Variants in IMMP2L observed in about 807,000 individuals in gnomAD.
IMMP2L encodes the protein inner mitochondrial membrane peptidase subunit 2.
In IMMP2L, 18 loss-of-function variants were observed where a neutral mutation model predicts 19.3. The ratio of observed to expected loss-of-function variants is 0.93; its 90% confidence interval spans 0.64 to 1.38. The LOEUF (loss-of-function observed/expected upper bound fraction) is 1.38. IMMP2L is among the 40% of genes most tolerant of loss of function. The pLI is 0.00. For missense variants in IMMP2L, 233 were observed against 218.2 expected, an observed-to-expected ratio of 1.07 and a Z score of -0.43; for synonymous variants, 76 against 73.0, an observed-to-expected ratio of 1.04 and a Z score of -0.21.
intron 3 of IMMP2L, among the ~76,000 whole-genome samples, chr7:111,179,195 T>C (rs1436629096): frequency 6.6e-6 from 1 of 151,856 alleles, no homozygotes; most frequent in East Asian, 1.9e-4. Context: ...AGCAGTAATA[T>C]TTTGAAAAAA....
At chr7:110,932,310 G>C (rs1815581905) in intron 4 of IMMP2L, among the ~76,000 whole-genome samples, 1 of 152,120 alleles carries the variant, frequency 6.6e-6, no homozygotes, top group Non-Finnish European at 1.5e-5. Flanking sequence ...TGAAATCGCT[G>C]CTTCAGAATC....
chr7:110,918,459 T>TC (rs909821564), intron 4 of IMMP2L, among the ~76,000 whole-genome samples: 31 of 150,714 alleles, frequency 2.1e-4, no homozygotes, highest in African/African-American at 6.1e-4. Context: ...TTTCTTTTTT[T>TC]TTTTTTTTTT....
intron 3 of IMMP2L, among the ~76,000 whole-genome samples, chr7:111,445,947 G>A (rs1412316520): frequency 1.3e-5 from 2 of 152,154 alleles, no homozygotes; most frequent in Non-Finnish European, 2.9e-5. Context: ...AGGGGTGATG[G>A]ACGCACCTGG....
intron 3 of IMMP2L, among the ~76,000 whole-genome samples, chr7:111,484,877 C>G (rs1842493471): frequency 6.6e-6 from 1 of 152,124 alleles, no homozygotes; most frequent in South Asian, 2.1e-4. Context: ...GTCTCGACCT[C>G]CCAGGCTCAA....
intron 3 of IMMP2L, among the ~76,000 whole-genome samples, chr7:111,319,665 T>C (rs1824471676): frequency 6.6e-6 from 1 of 152,114 alleles, no homozygotes; most frequent in South Asian, 2.1e-4. Context: ...CAGAAGGCTA[T>C]ATTCTATAGC....
intron 3 of IMMP2L, among the ~76,000 whole-genome samples, chr7:111,254,613 GA>G (rs1390484739): frequency 6.6e-6 from 1 of 151,962 alleles, no homozygotes; most frequent in Admixed American, 6.6e-5. Context: ...TAAGTAAAAA[GA>G]AAAAAATCAA....
chr7:111,186,688 C>T (rs961336253), intron 3 of IMMP2L, among the ~76,000 whole-genome samples: 37 of 152,120 alleles, frequency 2.4e-4, no homozygotes, highest in Non-Finnish European at 8.8e-5. Flanking sequence ...ACCTCAGCCT[C>T]CCAGAGTGTT....
intron 3 of IMMP2L, among the ~76,000 whole-genome samples, chr7:111,281,174 GAAAGAAAGAAAGAAAGAAAGAA>G (rs1819732006): frequency 1.3e-5 from 1 of 75,746 alleles, no homozygotes. Flanking sequence ...AAGAAAGAAA[GAAAGAAAGAAAGAAAGAAAGAA>G]AGAAAGAAAG....
intron 3 of IMMP2L, among the ~76,000 whole-genome samples, chr7:111,486,005 A>G (rs1051366091): frequency 1.3e-4 from 20 of 152,302 alleles, no homozygotes; most frequent in Admixed American, 5.2e-4. Context: ...CAAAAGAATA[A>G]TAAGCATATG....
At chr7:110,893,462 AGTTT>A (rs1323991479) in intron 4 of IMMP2L, among the ~76,000 whole-genome samples, 1 of 152,210 alleles carries the variant, frequency 6.6e-6, no homozygotes, top group Admixed American at 6.5e-5. Context: ...AAACCAAAGT[AGTTT>A]GTTACTTTTT....
intron 3 of IMMP2L, among the ~76,000 whole-genome samples, chr7:111,219,712 A>G (rs2129620307): frequency 6.6e-6 from 1 of 152,142 alleles, no homozygotes; most frequent in East Asian, 1.9e-4. Flanking sequence ...GTTGAATCAA[A>G]TTCAACTGCA....
intron 5 of IMMP2L, among the ~76,000 whole-genome samples, chr7:110,878,578 CTAAA>C: frequency 6.6e-6 from 1 of 151,966 alleles, no homozygotes; most frequent in South Asian, 2.1e-4. Context: ...ATTATCTATA[CTAAA>C]TACAGTTAAA....
At chr7:111,074,316 CTT>C (rs1434128798) in intron 3 of IMMP2L, among the ~76,000 whole-genome samples, 1 of 152,198 alleles carries the variant, frequency 6.6e-6, no homozygotes, top group African/African-American at 2.4e-5. Context: ...CTGATTATCA[CTT>C]TGTGTTTGAG....
At chr7:110,740,312 T>C (rs1796912760) in intron 5 of IMMP2L, among the ~76,000 whole-genome samples, 1 of 152,050 alleles carries the variant, frequency 6.6e-6, no homozygotes. Context: ...ATAAATAAAA[T>C]TGATAGACCA....
chr7:110,801,092 T>C (rs1801206930), intron 5 of IMMP2L, among the ~76,000 whole-genome samples: 1 of 152,100 alleles, frequency 6.6e-6, no homozygotes, highest in East Asian at 1.9e-4. Context: ...CAGCATACTG[T>C]TATCTGTGAT....
chr7:110,866,684 A>C (rs1808014144), intron 5 of IMMP2L, among the ~76,000 whole-genome samples: 1 of 152,136 alleles, frequency 6.6e-6, no homozygotes, highest in South Asian at 2.1e-4. Flanking sequence ...TTACTCTTTT[A>C]AGGATATTTA....
chr7:111,012,611 C>G (rs971273285), intron 3 of IMMP2L, among the ~76,000 whole-genome samples: 1 of 152,088 alleles, frequency 6.6e-6, no homozygotes, highest in African/African-American at 2.4e-5. Flanking sequence ...TTTTAGAAGG[C>G]CAATAAATAT....
intron 5 of IMMP2L, among the ~76,000 whole-genome samples, chr7:110,805,207 A>G (rs1569124): frequency 0.063 from 9,659 of 152,208 alleles, 341 homozygotes; most frequent in Middle Eastern, 0.088. Flanking sequence ...TACTGATATA[A>G]CATAAATTAA....
At chr7:110,694,146 T>C (rs775539445) in intron 5 of IMMP2L, among the ~76,000 whole-genome samples, 2 of 152,172 alleles carry the variant, frequency 1.3e-5, no homozygotes, top group Non-Finnish European at 2.9e-5. Flanking sequence ...ACATAAGGAT[T>C]AAGTCTTTTT....
Sources: allele counts gnomAD v4.1 joint callset (sites outside exome capture counted in the v4.1 genomes callset), GRCh38; gene constraint gnomAD v4.1.1; transcripts MANE v1.5; gene names NCBI Gene and HGNC (gene_info 2026-07-23, HGNC 2026-07-21).